Variants in MECOM observed in about 807,000 individuals in gnomAD.
The protein encoded by MECOM is histone-lysine N-methyltransferase MECOM.
MECOM carries 13 observed loss-of-function variants against 116.3 expected under a neutral mutation model. The observed-to-expected ratio is 0.11, with a 90% CI of 0.07 to 0.18. The LOEUF (loss-of-function observed/expected upper bound fraction) is 0.18, where lower values mean the gene tolerates loss of function less well. MECOM is among the 10% of genes least tolerant of loss of function. MECOM has a pLI of 1.00. For missense variants in MECOM, 1,299 were observed against 1,509.0 expected (o/e 0.86, Z 2.31); for synonymous variants, 528 against 535.2 (o/e 0.99, Z 0.19).
chr3:169,085,387 T>G (rs1717343592), intron 16 of MECOM, among the ~76,000 whole-genome samples: 1 of 152,178 alleles, frequency 6.6e-6, no homozygotes, highest in Non-Finnish European at 1.5e-5. Flanking sequence ...AAAATATTAT[T>G]GTGTGCTTAT....
intron 1 of MECOM, among the ~76,000 whole-genome samples, chr3:169,476,235 T>C (rs546959043): frequency 8.5e-4 from 130 of 152,372 alleles, no homozygotes; most frequent in African/African-American, 2.9e-3. Context: ...TTAATTTTGA[T>C]GTCTTCATAA....
In MECOM at chr3:169,570,643, G is replaced by A. The variant is rs537482316; in HGVS notation, c.37+92693C>T. On this transcript the variant is annotated intron_variant, in intron 1 of 16. Coordinates refer to ENST00000651503, the MANE Select transcript of MECOM (RefSeq NM_004991.4). The stretch of plus-strand genomic sequence containing the variant: ...GTACATTAAAAAGCTTATCCACCAC[G>A]ATCAAGTCGGCTTCTTCCCTGGGAT... Among the ~76,000 whole-genome samples, 10 of 152,260 alleles carry A rather than the reference G, an allele frequency of 6.6e-5. No individual in the cohort carries two copies. The South Asian group carries it at 1.5e-3, about 22-fold the overall frequency.
At chr3:169,341,621 T>A (rs916486372) in intron 2 of MECOM, among the ~76,000 whole-genome samples, 6 of 151,232 alleles carry the variant, frequency 4.0e-5, no homozygotes, top group Non-Finnish European at 7.4e-5. Flanking sequence ...ATGCCTGTAG[T>A]CCCAGCTACT....
In MECOM at chr3:169,157,545, A is replaced by C. The variant is rs1412323333; in HGVS notation, c.376-13713T>G. On this transcript the variant is annotated intron_variant, in intron 2 of 16. Transcript: ENST00000651503. ...AAAATGTCAAAATATTCCAATAGCA[A>C]TTAAAGTACCAATACAATCTCTATA... is the stretch of plus-strand genomic sequence containing the variant. Among the ~76,000 whole-genome samples, 4 of 152,224 alleles carry C rather than the reference A, an allele frequency of 2.6e-5. No homozygotes were observed. In the East Asian group the frequency reaches 7.7e-4, roughly 29 times the overall value.
intron 1 of MECOM, among the ~76,000 whole-genome samples, chr3:169,550,771 T>C (rs898390610): frequency 2.0e-5 from 3 of 151,944 alleles, no homozygotes; most frequent in African/African-American, 7.3e-5. Context: ...CAGATTTCTG[T>C]CATGGAAAAC....
At chr3:169,588,721 C>T (rs1391007019) in intron 1 of MECOM, among the ~76,000 whole-genome samples, 1 of 152,174 alleles carries the variant, frequency 6.6e-6, no homozygotes, top group Non-Finnish European at 1.5e-5. Context: ...ACAGTTTCCA[C>T]ACTTCGTACG....
intron 12 of MECOM, among the ~76,000 whole-genome samples, chr3:169,097,379 A>ACACTTCCTTCTG (rs1476504633): frequency 3.9e-5 from 6 of 152,080 alleles, no homozygotes; most frequent in Non-Finnish European, 8.8e-5. Context: ...ACTTCCTTCT[A>ACACTTCCTTCTG]CACAATTCCA....
rs912882262 is a variant in MECOM, at chr3:169,091,696, G to A, written c.3164+1262C>T. On this transcript the variant is annotated intron_variant, in intron 14 of 16. Coordinates refer to ENST00000651503, the MANE Select transcript of MECOM (RefSeq NM_004991.4). ...GTACATCCAACTGCACACTGGTGTAGTTATCAGACTTCTCAGAGACTGGAA... is the reference window on the plus strand; with the variant it reads ...GTACATCCAACTGCACACTGGTGTAATTATCAGACTTCTCAGAGACTGGAA... Among the ~76,000 whole-genome samples the A allele has an allele frequency of 1.6e-4, 24 of 152,158 alleles. No homozygotes were observed. The East Asian group carries it at 3.9e-3, about 24-fold the overall frequency.
chr3:169,334,902 A>G (rs540389540), intron 2 of MECOM, among the ~76,000 whole-genome samples: 2 of 152,170 alleles, frequency 1.3e-5, no homozygotes, highest in African/African-American at 2.4e-5. Context: ...ATTTAATTAC[A>G]TAGTTACCTA....
At chr3:169,379,988 C>G (rs1732124811) in intron 2 of MECOM, among the ~76,000 whole-genome samples, 2 of 152,062 alleles carry the variant, frequency 1.3e-5, no homozygotes, top group African/African-American at 4.8e-5. Context: ...GAAGGATTTC[C>G]CACTTGAATC....
chr3:169,608,935 C>T (rs1185003811), intron 1 of MECOM, among the ~76,000 whole-genome samples: 1 of 152,058 alleles, frequency 6.6e-6, no homozygotes, highest in African/African-American at 2.4e-5. Flanking sequence ...CCTAAAACAT[C>T]CTTTGTGAAA....
rs75538057 is a variant in MECOM, at chr3:169,355,747, G to A, written c.375+25440C>T. ...CCTGAGTTAAATTGAATTTGAAATT[G>A]ATGTCAAAAAATGATCACTTAATAA... is the stretch of plus-strand genomic sequence containing the variant. On this transcript the variant is annotated intron_variant, in intron 2 of 16. Transcript: ENST00000651503. 9.3e-4 allele frequency among the ~76,000 whole-genome samples: 141 copies of A among 151,848 alleles called. 1 individual carries two copies. In the East Asian group the frequency reaches 0.027, roughly 29 times the overall value.
intron 1 of MECOM, among the ~76,000 whole-genome samples, chr3:169,623,404 T>G (rs1282240837): frequency 6.6e-6 from 1 of 152,180 alleles, no homozygotes; most frequent in Non-Finnish European, 1.5e-5. Context: ...ACTACAAAAG[T>G]TTCACTGAAC....
In MECOM at chr3:169,460,140, G is replaced by A. The variant is rs1319358296; in HGVS notation, c.38-78616C>T. The stretch of plus-strand genomic sequence containing the variant: ...TCTCAGACTCCCACGTCCTCACTGG[G>A]AACACTAGACAATACTGACACCCTC... On this transcript the variant is annotated intron_variant, in intron 1 of 16. Coordinates refer to ENST00000651503, the MANE Select transcript of MECOM (RefSeq NM_004991.4). Among the ~76,000 whole-genome samples the A allele has an allele frequency of 7.9e-5, 12 of 151,950 alleles. 1 individual carries two copies. Among genetic ancestry groups the A allele is most frequent in the Admixed American group, 7.9e-4 (12 of 15,238 alleles).
chr3:169,250,695 G>T (rs1226483191), intron 2 of MECOM, among the ~76,000 whole-genome samples: 2 of 152,020 alleles, frequency 1.3e-5, no homozygotes, highest in African/African-American at 2.4e-5. Context: ...CATGATTTTT[G>T]ATGAAATTCA....
intron 2 of MECOM, among the ~76,000 whole-genome samples, chr3:169,225,984 G>A (rs1752681965): frequency 6.6e-6 from 1 of 152,200 alleles, no homozygotes; most frequent in African/African-American, 2.4e-5. Flanking sequence ...AAAACTATCT[G>A]TGAGGTAGAA....
At chr3:169,086,225 A>T (rs1717688565) in intron 16 of MECOM, among the ~76,000 whole-genome samples, 2 of 152,198 alleles carry the variant, frequency 1.3e-5, no homozygotes, top group African/African-American at 2.4e-5. Context: ...TGATCCATTT[A>T]ACAAATATTT....
At chr3:169,618,904 T>G (rs1226284318) in intron 1 of MECOM, among the ~76,000 whole-genome samples, 2 of 151,794 alleles carry the variant, frequency 1.3e-5, no homozygotes, top group Non-Finnish European at 2.9e-5. Flanking sequence ...TAACACAAAC[T>G]ATAAAGTAGG....
intron 1 of MECOM, among the ~76,000 whole-genome samples, chr3:169,469,437 CA>C (rs1237456385): frequency 1.3e-5 from 2 of 152,110 alleles, no homozygotes; most frequent in African/African-American, 4.8e-5. Flanking sequence ...GCCAAAAGCC[CA>C]GCAAAATAAC....
Sources: allele counts gnomAD v4.1 joint callset (sites outside exome capture counted in the v4.1 genomes callset), GRCh38; gene constraint gnomAD v4.1.1; transcripts MANE v1.5; gene names NCBI Gene and HGNC (gene_info 2026-07-23, HGNC 2026-07-21).